BMPER: variants seen among roughly 807,000 people sequenced by gnomAD.
BMPER encodes the protein BMP binding endothelial regulator.
BMPER carries 45 observed loss-of-function variants against 87.3 expected under a neutral mutation model. The ratio of observed to expected loss-of-function variants is 0.52; its 90% CI spans 0.41 to 0.66. The LOEUF (loss-of-function observed/expected upper bound fraction) is 0.66. Ranked by LOEUF, BMPER falls within the 30% of genes least tolerant of loss-of-function variation. The pLI, the probability that BMPER is intolerant of heterozygous loss-of-function variation, is 0.00. For missense variants in BMPER, 784 were observed against 867.5 expected (o/e 0.90, Z 1.21); for synonymous variants, 326 against 316.2 (o/e 1.03, Z -0.33).
rs141008674 is a variant in BMPER at position 34,096,863 on chromosome 7, T to A, written c.1745+10771T>A. 1.2e-4 allele frequency among the ~76,000 whole-genome samples: 18 copies of A among 152,320 alleles called. No individual in the cohort carries two copies. In the East Asian group the frequency reaches 3.3e-3, roughly 28 times the overall value. ...TAAATTAAAATAGGCACATCTTACCTATTACCAAAAAAGAGCATAGATTCT... is the reference window on the plus strand; with the variant it reads ...TAAATTAAAATAGGCACATCTTACCAATTACCAAAAAAGAGCATAGATTCT... On this transcript the variant is annotated intron_variant, in intron 13 of 14. Transcript: ENST00000649409.
chr7:33,975,079 T>G (rs1785650854), intron 6 of BMPER, among the ~76,000 whole-genome samples: 1 of 152,142 alleles, frequency 6.6e-6, no homozygotes, highest in African/African-American at 2.4e-5. Context: ...TCACCACCAA[T>G]GTCTGCAGAC....
intron 14 of BMPER, among the ~76,000 whole-genome samples, chr7:34,146,142 C>T: frequency 6.6e-6 from 1 of 152,122 alleles, no homozygotes; most frequent in East Asian, 1.9e-4. Context: ...TGTAGCATCT[C>T]TCAGTAGATT....
intron 6 of BMPER, among the ~76,000 whole-genome samples, chr7:34,011,379 A>T (rs1394073759): frequency 1.3e-5 from 2 of 151,784 alleles, no homozygotes; most frequent in Non-Finnish European, 2.9e-5. Context: ...TTAAGAATTT[A>T]TTAGAAACTT....
At chr7:34,054,161 C>T (rs1051498558) in intron 8 of BMPER, among the ~76,000 whole-genome samples, 15 of 152,232 alleles carry the variant, frequency 9.9e-5, no homozygotes, top group African/African-American at 1.4e-4. Flanking sequence ...TCTTACATTG[C>T]GAAGAACTCC....
At chr7:34,053,652 A>G (rs1465990245) in intron 8 of BMPER, among the ~76,000 whole-genome samples, 3 of 152,246 alleles carry the variant, frequency 2.0e-5, no homozygotes, top group East Asian at 1.9e-4. Flanking sequence ...GGAAGAGAAA[A>G]TATATTCACT....
rs78627307 is a variant in BMPER at position 33,961,719 on chromosome 7, C to T, written c.320-4760C>T. ...TTGGGCCCTTAGAAGGCAGCTGTAG[C>T]GCAAGAGAGTAAAGTTTTAGTGGAG... On this transcript the variant is annotated intron_variant, in intron 3 of 14. Transcript: ENST00000649409. Among the ~76,000 whole-genome samples the T allele has an allele frequency of 6.4e-3, 973 of 152,158 alleles. 14 individuals carry two copies. The highest frequency in any genetic ancestry group is 0.022 in the African/African-American group (931 of 41,496).
intron 4 of BMPER, among the ~76,000 whole-genome samples, chr7:33,970,084 A>G (rs939311863): frequency 6.6e-6 from 1 of 152,236 alleles, no homozygotes; most frequent in Non-Finnish European, 1.5e-5. Context: ...GAAGCAAGAA[A>G]TTAGGGCCAA....
chr7:33,974,640 A>G, intron 5 of BMPER, 62 bp from the exon 6 acceptor site: 4 of 1,505,118 alleles, frequency 2.7e-6, no homozygotes, highest in Non-Finnish European at 3.7e-6. Context: ...GGATAGAAGG[A>G]TTGTGTCAGG....
chr7:33,909,999 C>A (rs1473601831), intron 2 of BMPER, among the ~76,000 whole-genome samples: 2 of 152,136 alleles, frequency 1.3e-5, no homozygotes, highest in Non-Finnish European at 2.9e-5. Context: ...CAGAACCAGT[C>A]CCAGTCCAAG....
chr7:34,062,521 A>G (rs1788463789), intron 11 of BMPER, among the ~76,000 whole-genome samples: 1 of 142,282 alleles, frequency 7.0e-6, no homozygotes, highest in Admixed American at 7.4e-5. Context: ...TGCTGTTGGC[A>G]AAGAGAAAAC....
chr7:33,928,041 TTCCTTC>T (rs1291392908), intron 2 of BMPER, among the ~76,000 whole-genome samples: 1 of 152,138 alleles, frequency 6.6e-6, no homozygotes, highest in African/African-American at 2.4e-5. Flanking sequence ...TTTGCAGGGC[TTCCTTC>T]TCCTTCACCC....
chr7:33,962,422 A>T (rs1785295223), intron 3 of BMPER, among the ~76,000 whole-genome samples: 1 of 152,198 alleles, frequency 6.6e-6, no homozygotes, highest in South Asian at 2.1e-4. Context: ...GCTTTGTCTG[A>T]TGGTTTACAT....
intron 14 of BMPER, among the ~76,000 whole-genome samples, chr7:34,151,106 A>G (rs140034384): frequency 4.3e-4 from 65 of 152,278 alleles, no homozygotes; most frequent in African/African-American, 7.2e-4. Flanking sequence ...GGAGTCCACC[A>G]TGCATGAGGG....
At chr7:34,015,439 C>T (rs1005876016) in intron 6 of BMPER, among the ~76,000 whole-genome samples, 3 of 151,902 alleles carry the variant, frequency 2.0e-5, no homozygotes, top group African/African-American at 4.8e-5. Context: ...AAATCTATGC[C>T]TGTGAGAATT....
intron 6 of BMPER, among the ~76,000 whole-genome samples, chr7:33,982,969 T>C (rs1248126878): frequency 1.3e-5 from 2 of 152,160 alleles, no homozygotes; most frequent in Non-Finnish European, 2.9e-5. Context: ...GAAAATTTCA[T>C]AATATGTTAG....
At chr7:34,024,616 A>G (rs1310914937) in intron 6 of BMPER, among the ~76,000 whole-genome samples, 4 of 150,748 alleles carry the variant, frequency 2.7e-5, no homozygotes, top group African/African-American at 4.9e-5. Flanking sequence ...AATTCTATGC[A>G]TGTACTGCTC....
At chr7:34,031,269 A>T (rs1392953988) in intron 6 of BMPER, among the ~76,000 whole-genome samples, 1 of 152,068 alleles carries the variant, frequency 6.6e-6, no homozygotes, top group African/African-American at 2.4e-5. Flanking sequence ...TGTTTGTGTC[A>T]TTGGTAAAGG....
At chr7:33,982,917 C>T (rs772117017) in intron 6 of BMPER, among the ~76,000 whole-genome samples, 12 of 152,046 alleles carry the variant, frequency 7.9e-5, no homozygotes, top group Non-Finnish European at 1.5e-4. Flanking sequence ...GAGGATCTGG[C>T]TTAAGAGGGG....
At chr7:33,988,415 A>G (rs12701342) in intron 6 of BMPER, among the ~76,000 whole-genome samples, 23,753 of 152,092 alleles carry the variant, frequency 0.16, 1,876 homozygotes, top group Middle Eastern at 0.25. Context: ...CCACTAACTG[A>G]ATGGACAGAA....
Sources: gnomAD v4.1 joint callset for allele counts (sites outside exome capture counted in the v4.1 genomes callset) on GRCh38, gnomAD v4.1.1 for gene constraint, MANE v1.5 for transcripts, NCBI Gene and HGNC (gene_info 2026-07-23, HGNC 2026-07-21) for gene names.